The following UNC13C variants were observed in gnomAD, a reference collection of about 807,000 sequenced individuals.
UNC13C encodes the protein protein unc-13 homolog C.
A neutral mutation model predicts 245.4 loss-of-function variants in UNC13C; 174 were observed. The observed-to-expected ratio is 0.71, with a 90% CI of 0.63 to 0.80. The LOEUF is 0.80. Among genes scored for constraint, UNC13C ranks in the 30% least tolerant of loss-of-function variants. The pLI is 0.00. For synonymous variants in UNC13C, 992 were observed against 895.1 expected (o/e 1.11, Z -1.93); for missense variants, 2,829 against 2,602.9 (o/e 1.09, Z -1.89).
At chr15:54,518,009 T>A (rs1478577573) in intron 24 of UNC13C, among the ~76,000 whole-genome samples, 3 of 152,160 alleles carry the variant, frequency 2.0e-5, no homozygotes, top group East Asian at 1.9e-4. Flanking sequence ...TAGCCCCAGA[T>A]AATAAGGAGA....
chr15:54,406,522 C>T (rs935792977), intron 18 of UNC13C, among the ~76,000 whole-genome samples: 1 of 152,124 alleles, frequency 6.6e-6, no homozygotes, highest in African/African-American at 2.4e-5. Context: ...GTAGCATGTC[C>T]TAAATCCTGT....
chr15:54,381,810 A>G (rs1296148921), intron 17 of UNC13C, among the ~76,000 whole-genome samples: 2 of 152,180 alleles, frequency 1.3e-5, no homozygotes, highest in Non-Finnish European at 2.9e-5. Context: ...TAATAATGGA[A>G]GATTTCAACA....
chr15:54,024,949 T>C (rs1896049501), intron 2 of UNC13C, among the ~76,000 whole-genome samples: 1 of 151,988 alleles, frequency 6.6e-6, no homozygotes, highest in East Asian at 1.9e-4. Context: ...AAAAAAATGC[T>C]ATGGAATTTT....
chr15:54,237,408 G>A (rs570697924), intron 6 of UNC13C: 7 of 656,786 alleles, frequency 1.1e-5, no homozygotes, highest in South Asian at 1.0e-4. Flanking sequence ...AAATGTAGGG[G>A]TTGGGTTTGA....
At chr15:54,198,132 G>T (rs535972810) in intron 4 of UNC13C, among the ~76,000 whole-genome samples, 1 of 152,024 alleles carries the variant, frequency 6.6e-6, no homozygotes, top group Non-Finnish European at 1.5e-5. Flanking sequence ...CCATTGAACT[G>T]GGAACCACAC....
rs1046816775 is a variant in UNC13C, at chr15:54,617,950, C to A, written c.6107-4377C>A. Among the ~76,000 whole-genome samples, 4 of 152,040 alleles carry A rather than the reference C, an allele frequency of 2.6e-5. No individual in the cohort carries two copies. In the East Asian group the frequency reaches 7.7e-4, roughly 29 times the overall value. On this transcript the variant is annotated intron_variant, in intron 30 of 32. Coordinates refer to ENST00000260323, the MANE Select transcript of UNC13C (RefSeq NM_001080534.3). ...CAGCAAAGGTGCATGGGGCCAGATT[C>A]AAATTTGTCAGAAACCTAAGCAATT...
intron 13 of UNC13C, among the ~76,000 whole-genome samples, chr15:54,316,286 C>T (rs532840847): frequency 2.4e-3 from 369 of 151,976 alleles, no homozygotes; most frequent in Middle Eastern, 0.01. Context: ...GCTCTGTTAA[C>T]CTAATATTGC....
intron 10 of UNC13C, among the ~76,000 whole-genome samples, chr15:54,291,688 A>G (rs1311778148): frequency 1.3e-5 from 2 of 151,974 alleles, no homozygotes; most frequent in Non-Finnish European, 1.5e-5. Context: ...CATGTTATTT[A>G]TAGATAAAGT....
chr15:54,392,120 G>A lies in UNC13C; in HGVS notation c.4714-928G>A, dbSNP rs76661728. 6.0e-3 allele frequency among the ~76,000 whole-genome samples: 918 copies of A among 152,124 alleles called. 3 individuals are homozygous for A. Among genetic ancestry groups the A allele is most frequent in the African/African-American group, 0.021 (875 of 41,530 alleles). On this transcript the variant is annotated intron_variant, in intron 17 of 32. Transcript: ENST00000260323. ...AGCAAAACTTTTCATATACTTAAGC[G>A]AAAATGTATCTCTGCCTATATTTTT...
intron 2 of UNC13C, chr15:54,044,431 T>C: frequency 2.9e-6 from 1 of 341,666 alleles, no homozygotes; most frequent in East Asian, 9.3e-5. Flanking sequence ...AAAGTTTCCT[T>C]GGATGTAGAT....
intron 17 of UNC13C, among the ~76,000 whole-genome samples, chr15:54,390,798 T>G (rs916544117): frequency 3.9e-5 from 6 of 152,128 alleles, no homozygotes; most frequent in Middle Eastern, 3.2e-3. Flanking sequence ...AGAAACTTAA[T>G]TCTTAAGAAA....
At chr15:54,467,530 T>C (rs937952393) in intron 19 of UNC13C, among the ~76,000 whole-genome samples, 4 of 151,806 alleles carry the variant, frequency 2.6e-5, no homozygotes, top group Non-Finnish European at 5.9e-5. Flanking sequence ...AATAAATTAT[T>C]ATTTACTGTA....
chr15:54,417,511 T>TA (rs2040546964), intron 19 of UNC13C, among the ~76,000 whole-genome samples: 1 of 152,206 alleles, frequency 6.6e-6, no homozygotes, highest in Non-Finnish European at 1.5e-5. Context: ...ATTTAAAACT[T>TA]ACTCTAAATC....
chr15:54,437,123 A>G (rs1438993682), intron 19 of UNC13C, among the ~76,000 whole-genome samples: 8 of 151,870 alleles, frequency 5.3e-5, no homozygotes, highest in Non-Finnish European at 1.2e-4. Flanking sequence ...TCTTTTCCCC[A>G]TTGTAAAATC....
At chr15:54,517,941 G>A (rs1895052031) in intron 24 of UNC13C, among the ~76,000 whole-genome samples, 1 of 152,070 alleles carries the variant, frequency 6.6e-6, no homozygotes, top group Non-Finnish European at 1.5e-5. Flanking sequence ...TATAAATAGA[G>A]GTAAAAAGGG....
intron 8 of UNC13C, among the ~76,000 whole-genome samples, chr15:54,259,798 T>C (rs1308507439): frequency 6.6e-6 from 1 of 152,242 alleles, no homozygotes; most frequent in Non-Finnish European, 1.5e-5. Flanking sequence ...CAAATTCTGT[T>C]ATCTAATGAT....
rs74345221 is a variant in UNC13C at position 54,257,671 on chromosome 15, A to T, written c.3449-6497A>T. Among the ~76,000 whole-genome samples, 402 of 152,256 alleles carry T rather than the reference A, an allele frequency of 2.6e-3. 2 individuals are homozygous for T. Among genetic ancestry groups the T allele is most frequent in the African/African-American group, 9.3e-3 (387 of 41,526 alleles). ...AGGCTCTCACCTACAGGAATGGGAG[A>T]TGACGCTATGTTAGATCTGTGATCC... On this transcript the variant is annotated intron_variant, in intron 8 of 32. Transcript: ENST00000260323.
At chr15:54,154,040 G>A (rs1276485987) in intron 4 of UNC13C, among the ~76,000 whole-genome samples, 1 of 151,730 alleles carries the variant, frequency 6.6e-6, no homozygotes, top group Non-Finnish European at 1.5e-5. Flanking sequence ...CTTTATGCCT[G>A]GAATATTCAA....
chr15:54,210,201 A>G (rs185772506), intron 4 of UNC13C, among the ~76,000 whole-genome samples: 8 of 141,764 alleles, frequency 5.6e-5, no homozygotes, highest in African/African-American at 1.6e-4. Flanking sequence ...AAAACTTACT[A>G]TATATAAAAT....
Sources: allele counts gnomAD v4.1 joint callset (sites outside exome capture counted in the v4.1 genomes callset), GRCh38; gene constraint gnomAD v4.1.1; transcripts MANE v1.5; gene names NCBI Gene and HGNC (gene_info 2026-07-23, HGNC 2026-07-21).